The following DMD variants were observed in gnomAD, a reference collection of about 807,000 sequenced individuals.
The protein encoded by DMD is mutant dystrophin.
In DMD, 63 loss-of-function variants were observed where a neutral mutation model predicts 330.1. The observed-to-expected ratio is 0.19, with a 90% confidence interval of 0.16 to 0.24. The LOEUF (loss-of-function observed/expected upper bound fraction) is 0.24, where lower values mean the gene tolerates loss of function less well. Among genes scored for constraint, DMD ranks in the 10% least tolerant of loss-of-function variants. The pLI is 1.00. For synonymous variants in DMD, 1,223 were observed against 959.8 expected, an observed-to-expected ratio of 1.27 and a Z score of -5.07; for missense variants, 3,344 against 2,684.1, an observed-to-expected ratio of 1.25 and a Z score of -5.43.
chrX:31,469,836 C>T (rs1196575595), intron 59 of DMD, among the ~76,000 whole-genome samples: 9 of 111,519 alleles, frequency 8.1e-5, no homozygotes, highest in Non-Finnish European at 1.5e-4. Context: ...CTTTTCACAT[C>T]GTCCCATATT....
intron 2 of DMD, among the ~76,000 whole-genome samples, chrX:32,876,066 C>T (rs971508588): frequency 9.9e-5 from 11 of 111,562 alleles, no homozygotes; most frequent in Admixed American, 2.9e-4. Context: ...ACATATTTTC[C>T]GGAGATTATT....
chrX:32,280,982 A>G (rs1005238950), intron 43 of DMD, among the ~76,000 whole-genome samples: 2 of 112,085 alleles, frequency 1.8e-5, no homozygotes, highest in Non-Finnish European at 3.8e-5. Context: ...TTCTCTTCGA[A>G]TCTGATTTAT....
At chrX:32,086,939 A>C (rs1383791835) in intron 44 of DMD, among the ~76,000 whole-genome samples, 1 of 111,868 alleles carries the variant, frequency 8.9e-6, no homozygotes, top group Non-Finnish European at 1.9e-5. Context: ...ATTGACTAAA[A>C]AACCTGCAAA....
At chrX:32,929,725 C>A (rs996585398) in intron 2 of DMD, among the ~76,000 whole-genome samples, 4 of 110,688 alleles carry the variant, frequency 3.6e-5, no homozygotes, top group Non-Finnish European at 7.6e-5. Flanking sequence ...CCCCCACCCC[C>A]TGACAGGCCC....
intron 50 of DMD, among the ~76,000 whole-genome samples, chrX:31,788,181 T>C (rs1342581391): frequency 9.0e-6 from 1 of 111,504 alleles, no homozygotes; most frequent in African/African-American, 3.3e-5. Flanking sequence ...AAATTAAGAG[T>C]GTAAAGAGTG....
chrX:32,803,936 T>C (rs2076770194), intron 7 of DMD, among the ~76,000 whole-genome samples: 1 of 111,954 alleles, frequency 8.9e-6, no homozygotes, highest in African/African-American at 3.3e-5. Context: ...TTCTGTTGAT[T>C]TGGGGTGGAG....
intron 2 of DMD, among the ~76,000 whole-genome samples, chrX:32,936,112 T>C (rs2089999896): frequency 2.8e-5 from 2 of 70,176 alleles, no homozygotes; most frequent in South Asian, 1.9e-3. Flanking sequence ...TACTTGTATC[T>C]CTTTTTTTTT....
intron 11 of DMD, among the ~76,000 whole-genome samples, chrX:32,633,857 T>C (rs1283414926): frequency 1.8e-5 from 2 of 110,999 alleles, no homozygotes; most frequent in Admixed American, 9.6e-5. Context: ...CTTGCAAGAA[T>C]TTACTCACTA....
At chrX:31,773,498 A>G (rs1213824971) in intron 51 of DMD, among the ~76,000 whole-genome samples, 3 of 111,512 alleles carry the variant, frequency 2.7e-5, no homozygotes, top group East Asian at 2.8e-4. Context: ...AATTATCCTT[A>G]TCATTGGAGA....
intron 52 of DMD, among the ~76,000 whole-genome samples, chrX:31,726,198 C>A (rs1353781888): frequency 8.9e-6 from 1 of 112,483 alleles, no homozygotes; most frequent in African/African-American, 3.2e-5. Flanking sequence ...CTGAATACAA[C>A]AGATACCACG....
At chrX:32,622,621 C>T (rs939016048) in intron 11 of DMD, among the ~76,000 whole-genome samples, 1 of 111,856 alleles carries the variant, frequency 8.9e-6, no homozygotes, top group African/African-American at 3.2e-5. Flanking sequence ...AATTATACTT[C>T]GCATCCAATT....
intron 77 of DMD, among the ~76,000 whole-genome samples, chrX:31,127,548 T>C (rs1433351933): frequency 1.8e-5 from 2 of 112,074 alleles, no homozygotes; most frequent in Non-Finnish European, 3.8e-5. Flanking sequence ...CAAACTGTTT[T>C]AACTATAGCA....
intron 50 of DMD, among the ~76,000 whole-genome samples, chrX:31,784,430 C>G (rs1053510679): frequency 9.0e-6 from 1 of 111,475 alleles, no homozygotes; most frequent in Non-Finnish European, 1.9e-5. Flanking sequence ...TATGGAAAAC[C>G]GTATGGAAGT....
intron 1 of DMD, among the ~76,000 whole-genome samples, chrX:33,226,949 T>C (rs2052302760): frequency 9.1e-6 from 1 of 110,066 alleles, no homozygotes; most frequent in Non-Finnish European, 1.9e-5. Flanking sequence ...ATGTCATGTT[T>C]AACACTGTTG....
intron 44 of DMD, among the ~76,000 whole-genome samples, chrX:32,085,986 T>C (rs1228617909): frequency 8.9e-6 from 1 of 111,910 alleles, no homozygotes; most frequent in Non-Finnish European, 1.9e-5. Context: ...ATTTACCCTA[T>C]GGAATATTAT....
At chrX:32,927,797 T>C (rs1267918350) in intron 2 of DMD, among the ~76,000 whole-genome samples, 2 of 111,095 alleles carry the variant, frequency 1.8e-5, no homozygotes, top group Non-Finnish European at 3.8e-5. Flanking sequence ...GTAAATCTGA[T>C]AATCTGATAT....
chrX:32,321,348 T>A (rs1482522856), intron 41 of DMD, among the ~76,000 whole-genome samples: 1 of 111,479 alleles, frequency 9.0e-6, no homozygotes, highest in Admixed American at 9.6e-5. Context: ...GAGAGAATGA[T>A]GATGAACTGG....
chrX:32,415,258 C>G (rs943670094), intron 29 of DMD, among the ~76,000 whole-genome samples: 2 of 112,016 alleles, frequency 1.8e-5, no homozygotes, highest in Non-Finnish European at 3.8e-5. Flanking sequence ...CTAACTTTTT[C>G]TATTCATGAG....
chrX:32,649,931 T>C (rs2060034731), intron 9 of DMD, among the ~76,000 whole-genome samples: 1 of 111,543 alleles, frequency 9.0e-6, no homozygotes, highest in Admixed American at 9.6e-5. Context: ...GCATATAAAA[T>C]GCTAAGCACA....
Sources: gnomAD v4.1 joint callset for allele counts (sites outside exome capture counted in the v4.1 genomes callset) on GRCh38, gnomAD v4.1.1 for gene constraint, MANE v1.5 for transcripts, NCBI Gene and HGNC (gene_info 2026-07-23, HGNC 2026-07-21) for gene names.